RHBDL3: variants seen among roughly 807,000 people sequenced by gnomAD.
The protein encoded by RHBDL3 is rhomboid-related protein 3.
Under a neutral mutation model 48.2 loss-of-function variants are expected in RHBDL3, and 28 were observed. That is an observed-to-expected ratio of 0.58 (90% CI 0.43 to 0.80). The LOEUF is 0.80. Among genes scored for constraint, RHBDL3 ranks in the 30% least tolerant of loss-of-function variants. RHBDL3 has a pLI of 0.00. For synonymous variants in RHBDL3, 208 were observed against 232.3 expected (o/e 0.90, Z 0.95); for missense variants, 464 against 542.7 (o/e 0.85, Z 1.44).
intron 8 of RHBDL3, among the ~76,000 whole-genome samples, chr17:32,319,659 A>C (rs756031211): frequency 1.3e-5 from 2 of 152,152 alleles, no homozygotes; most frequent in African/African-American, 4.8e-5. Context: ...TCAGCCCAGA[A>C]GGCTGGGCAA....
intron 2 of RHBDL3, among the ~76,000 whole-genome samples, chr17:32,283,531 G>T (rs184685583): frequency 2.6e-5 from 4 of 151,262 alleles, no homozygotes; most frequent in African/African-American, 7.4e-5. Context: ...CACCGTGTTA[G>T]CCAGGATGGT....
intron 2 of RHBDL3, among the ~76,000 whole-genome samples, chr17:32,270,518 C>T (rs910292648): frequency 6.6e-6 from 1 of 151,950 alleles, no homozygotes; most frequent in Non-Finnish European, 1.5e-5. Context: ...TGGTCACCGT[C>T]GAACTAAATG....
At chr17:32,271,425 A>T (rs180928830) in intron 2 of RHBDL3, among the ~76,000 whole-genome samples, 1 of 152,292 alleles carries the variant, frequency 6.6e-6, no homozygotes, top group Non-Finnish European at 1.5e-5. Context: ...CATCTGTTCC[A>T]TAGGTTTCTG....
rs60403728 is a variant in RHBDL3 at position 32,292,801 on chromosome 17, C to CAAAA, written c.520-1475_520-1472dup. Among the ~76,000 whole-genome samples, 463 of 76,980 alleles carry CAAAA rather than the reference C, an allele frequency of 6.0e-3. 13 individuals are homozygous for CAAAA. The highest frequency in any genetic ancestry group is 0.012 in the African/African-American group (234 of 19,782). The allele number at this position is 76,980 out of a possible 152,430, so 50.5% of individuals were successfully genotyped here. The stretch of plus-strand genomic sequence containing the variant: ...TGGGCGACAGAGCGAGACTCCACCT[C>CAAAA]AAAAAAAAAAAAAAAAAAAAAGGAA... On this transcript the variant is annotated intron_variant, in intron 4 of 8. Coordinates refer to ENST00000269051, the MANE Select transcript of RHBDL3 (RefSeq NM_138328.3).
At chr17:32,309,855 C>CTG (rs1296079356) in intron 7 of RHBDL3, among the ~76,000 whole-genome samples, 3 of 145,210 alleles carry the variant, frequency 2.1e-5, no homozygotes, top group African/African-American at 7.7e-5. Context: ...TCTCGGGTCA[C>CTG]CACAACCTCC....
At chr17:32,296,735 T>A (rs548436488) in intron 5 of RHBDL3, among the ~76,000 whole-genome samples, 129 of 152,212 alleles carry the variant, frequency 8.5e-4, no homozygotes, top group Non-Finnish European at 1.6e-3. Context: ...TGCCTGCACT[T>A]GTTTTGAGAA....
At chr17:32,277,637 G>A (rs1022962255) in intron 2 of RHBDL3, among the ~76,000 whole-genome samples, 42 of 152,240 alleles carry the variant, frequency 2.8e-4, no homozygotes, top group Non-Finnish European at 5.9e-5. Context: ...GAAGACTCCA[G>A]CAAAGTGTCA....
chr17:32,271,146 G>A (rs1342214318), intron 2 of RHBDL3, among the ~76,000 whole-genome samples: 6 of 151,990 alleles, frequency 3.9e-5, no homozygotes, highest in Non-Finnish European at 8.8e-5. Context: ...GATAGTTTTC[G>A]TACCTCCCCA....
At chr17:32,318,868 T>G (rs1258270401) in intron 8 of RHBDL3, among the ~76,000 whole-genome samples, 1 of 152,144 alleles carries the variant, frequency 6.6e-6, no homozygotes, top group Non-Finnish European at 1.5e-5. Flanking sequence ...CCTTCCTTAC[T>G]TCTTACCCCA....
chr17:32,267,659 C>G, intron 1 of RHBDL3: 2 of 243,902 alleles, frequency 8.2e-6, no homozygotes, highest in African/African-American at 2.3e-5. Flanking sequence ...CACCTTGCCG[C>G]CCCCGCCCCC....
At chr17:32,317,575 G>C (rs1404395530) in intron 8 of RHBDL3, among the ~76,000 whole-genome samples, 1 of 152,180 alleles carries the variant, frequency 6.6e-6, no homozygotes, top group Non-Finnish European at 1.5e-5. Flanking sequence ...CTAACATATA[G>C]ATGGGTGAAG....
At chr17:32,285,089 C>A (rs1212093635) in intron 3 of RHBDL3, among the ~76,000 whole-genome samples, 2 of 144,802 alleles carry the variant, frequency 1.4e-5, no homozygotes, top group Non-Finnish European at 3.0e-5. Flanking sequence ...TTCCAGCCCT[C>A]ATACCCTCAG....
intron 7 of RHBDL3, among the ~76,000 whole-genome samples, chr17:32,314,842 G>C (rs1049129840): frequency 1.3e-5 from 2 of 152,220 alleles, no homozygotes; most frequent in Non-Finnish European, 2.9e-5. Context: ...CTCCTGGCAA[G>C]GCTCCTCTGT....
At chr17:32,272,113 G>A (rs1309150106) in intron 2 of RHBDL3, among the ~76,000 whole-genome samples, 1 of 152,222 alleles carries the variant, frequency 6.6e-6, no homozygotes, top group African/African-American at 2.4e-5. Flanking sequence ...GGAAGTGGAA[G>A]CTCCCTTTGC....
chr17:32,279,233 GT>G (rs2039984386), intron 2 of RHBDL3, among the ~76,000 whole-genome samples: 1 of 152,186 alleles, frequency 6.6e-6, no homozygotes, highest in Non-Finnish European at 1.5e-5. Flanking sequence ...CAGTCAAGGG[GT>G]GCCTGATACA....
intron 8 of RHBDL3, among the ~76,000 whole-genome samples, chr17:32,319,633 C>T (rs930980331): frequency 1.3e-5 from 2 of 152,090 alleles, no homozygotes; most frequent in Admixed American, 6.6e-5. Context: ...ATCGGCCATC[C>T]TTGGAGTTGC....
rs1227316701 is a variant in RHBDL3, at chr17:32,316,266, T to C, written c.917T>C (p.Leu306Pro). 1 of 1,613,886 alleles carries C rather than the reference T, an allele frequency of 6.2e-7. No homozygotes were observed. The highest frequency in any genetic ancestry group is 8.5e-7 in the Non-Finnish European group (1 of 1,179,866). Residue 306 changes from leucine (L) to proline (P), a missense_variant, in exon 8 of 9, where the codon CTG (leucine) becomes CCG (proline). Coordinates refer to ENST00000269051, the MANE Select transcript of RHBDL3 (RefSeq NM_138328.3). ...GGCATGAAGTGCCAGTTCAAGCTGC[T>C]GCGGATGGCTGTGGCCCTTATCTGT... The part of the protein sequence containing the change: ...WSGMKCQFKL[L>P]RMAVALICMS...
At chr17:32,268,813 G>A (rs1363939581) in intron 2 of RHBDL3, among the ~76,000 whole-genome samples, 3 of 152,100 alleles carry the variant, frequency 2.0e-5, no homozygotes, top group Non-Finnish European at 4.4e-5. Flanking sequence ...TTTTAGCAGG[G>A]TTGTTATGTG....
chr17:32,314,614 A>G (rs1328266395), intron 7 of RHBDL3, among the ~76,000 whole-genome samples: 1 of 152,116 alleles, frequency 6.6e-6, no homozygotes, highest in East Asian at 1.9e-4. Flanking sequence ...GACAGGGAGC[A>G]CCCCATCACG....
Sources: gnomAD v4.1 joint callset for allele counts (sites outside exome capture counted in the v4.1 genomes callset) on GRCh38, gnomAD v4.1.1 for gene constraint, MANE v1.5 for transcripts, NCBI Gene and HGNC (gene_info 2026-07-23, HGNC 2026-07-21) for gene names.